MED13L: variants seen among roughly 807,000 people sequenced by gnomAD.
MED13L encodes mediator of RNA polymerase II transcription subunit 13-like.
Under a neutral mutation model 220.9 loss-of-function variants are expected in MED13L, and 7 were observed. The observed-to-expected ratio is 0.03, with a 90% CI of 0.02 to 0.06. The LOEUF (loss-of-function observed/expected upper bound fraction) is 0.06, where lower values mean the gene tolerates loss of function less well. Among genes scored for constraint, MED13L ranks in the 10% least tolerant of loss-of-function variants. The pLI is 1.00. For missense variants in MED13L, 1,965 were observed against 2,760.5 expected, an observed-to-expected ratio of 0.71 and a Z score of 6.46; for synonymous variants, 1,011 against 1,015.2, an observed-to-expected ratio of 1.00 and a Z score of 0.08.
At chr12:116,233,597 G>A (rs1033599594) in intron 2 of MED13L, among the ~76,000 whole-genome samples, 2 of 152,158 alleles carry the variant, frequency 1.3e-5, no homozygotes, top group Admixed American at 1.3e-4. Flanking sequence ...GCAGCCTGTA[G>A]GTCTTTGCAC....
At chr12:116,046,424 T>C (rs1176089146) in intron 4 of MED13L, among the ~76,000 whole-genome samples, 2 of 152,218 alleles carry the variant, frequency 1.3e-5, no homozygotes, top group East Asian at 3.9e-4. Flanking sequence ...ATAGGAGAAA[T>C]GGCCATTTAA....
chr12:115,976,893 G>C (rs1565988722), intron 23 of MED13L, among the ~76,000 whole-genome samples: 1 of 152,128 alleles, frequency 6.6e-6, no homozygotes, highest in East Asian at 1.9e-4. Flanking sequence ...AAGTGTGTTG[G>C]CTCATGCCTG....
chr12:116,004,957 C>T (rs557096481), intron 13 of MED13L, among the ~76,000 whole-genome samples: 27 of 152,268 alleles, frequency 1.8e-4, no homozygotes, highest in Non-Finnish European at 3.8e-4. Flanking sequence ...TTATTGTACT[C>T]ACAGCAATAA....
intron 30 of MED13L, among the ~76,000 whole-genome samples, chr12:115,963,008 G>A (rs1298800057): frequency 1.3e-5 from 2 of 152,164 alleles, no homozygotes; most frequent in Non-Finnish European, 2.9e-5. Flanking sequence ...GTGACAGAGC[G>A]AGACTCCATC....
At chr12:116,275,463 A>G (rs1232687041) in intron 1 of MED13L, among the ~76,000 whole-genome samples, 1 of 152,252 alleles carries the variant, frequency 6.6e-6, no homozygotes, top group Non-Finnish European at 1.5e-5. Flanking sequence ...ATGTCTTTGT[A>G]GGTAAAAATC....
Position 116,008,517 on chromosome 12 carries a change from C to A in MED13L, c.1896G>T (p.Trp632Cys). The A allele has an allele frequency of 6.2e-7, 1 of 1,613,920 alleles. No individual in the cohort carries two copies. The highest frequency in any genetic ancestry group is 8.5e-7 in the Non-Finnish European group (1 of 1,179,988). The change falls in exon 10 of 31, where the codon TGG (tryptophan) becomes TGT (cysteine). Residue 632 changes from tryptophan to cysteine, a missense_variant. Coordinates refer to ENST00000281928, the MANE Select transcript of MED13L (RefSeq NM_015335.5). Reference protein sequence around the residue: ...RPSNPESSEKWWHSYRLPPSD... With the variant: ...RPSNPESSEKCWHSYRLPPSD... ...TGGGTGGGAGACGATAACTATGCCA[C>A]CACTTTTCTGATGACTCCGGGTTCG...
chr12:116,175,305 C>T (rs1302846259), intron 2 of MED13L, among the ~76,000 whole-genome samples: 2 of 151,966 alleles, frequency 1.3e-5, no homozygotes, highest in African/African-American at 4.8e-5. Context: ...TCCTGAGTCC[C>T]CTATTATGTG....
At chr12:116,200,617 C>A (rs1352242172) in intron 2 of MED13L, among the ~76,000 whole-genome samples, 2 of 152,100 alleles carry the variant, frequency 1.3e-5, no homozygotes, top group African/African-American at 2.4e-5. Flanking sequence ...CTACACCCCA[C>A]AAGGAGAGAA....
At chr12:115,995,141 A>G (rs1878316763) in intron 16 of MED13L, among the ~76,000 whole-genome samples, 1 of 152,178 alleles carries the variant, frequency 6.6e-6, no homozygotes, top group African/African-American at 2.4e-5. Flanking sequence ...TTGTTACGAC[A>G]TTAAAATTAA....
intron 2 of MED13L, among the ~76,000 whole-genome samples, chr12:116,152,092 G>T (rs1338060913): frequency 1.3e-5 from 2 of 151,946 alleles, no homozygotes; most frequent in Admixed American, 1.3e-4. Context: ...ATCCTACATG[G>T]AAATATATTT....
At chr12:116,190,932 A>G (rs1323875036) in intron 2 of MED13L, among the ~76,000 whole-genome samples, 2 of 151,880 alleles carry the variant, frequency 1.3e-5, no homozygotes, top group Non-Finnish European at 2.9e-5. Context: ...TCTCTACTAA[A>G]AATACAAAAA....
At chr12:116,108,429 G>A (rs989464804) in intron 3 of MED13L, among the ~76,000 whole-genome samples, 4 of 151,108 alleles carry the variant, frequency 2.6e-5, no homozygotes, top group South Asian at 2.1e-4. Context: ...TGAGCTGTGC[G>A]TAATTTTCAT....
Position 115,989,013 on chromosome 12 carries a change from T to C in MED13L, c.3935-1725A>G, listed in dbSNP as rs533405517. ...TATACAAATGAGCATAACCCTTTAA[T>C]GCTTTCTTAGTCATCTCTACCTCCA... is the stretch of plus-strand genomic sequence containing the variant. On this transcript the variant is annotated intron_variant, in intron 17 of 30. Coordinates refer to ENST00000281928, the MANE Select transcript of MED13L (RefSeq NM_015335.5). 3.3e-5 allele frequency among the ~76,000 whole-genome samples: 5 copies of C among 152,356 alleles called. No individual in the cohort carries two copies. The South Asian group carries it at 1.0e-3, about 32-fold the overall frequency.
intron 14 of MED13L, among the ~76,000 whole-genome samples, chr12:116,000,995 T>TA (rs757648036): frequency 2.0e-5 from 3 of 152,112 alleles, no homozygotes; most frequent in Admixed American, 2.0e-4. Context: ...TACATTTTTA[T>TA]AAAAAAAGTG....
At chr12:116,197,053 G>GTC (rs1379511570) in intron 2 of MED13L, among the ~76,000 whole-genome samples, 1 of 152,162 alleles carries the variant, frequency 6.6e-6, no homozygotes, top group African/African-American at 2.4e-5. Context: ...TCAGTTCAGT[G>GTC]TCTCTCTCTC....
At chr12:116,035,197 T>C (rs1429726479) in intron 4 of MED13L, among the ~76,000 whole-genome samples, 1 of 151,914 alleles carries the variant, frequency 6.6e-6, no homozygotes, top group Non-Finnish European at 1.5e-5. Flanking sequence ...AACAAAAATA[T>C]ACAAGCGTGA....
intron 1 of MED13L, 86 bp downstream of exon 1, chr12:116,276,974 C>G (rs2138616250): frequency 1.4e-6 from 2 of 1,406,658 alleles, no homozygotes; most frequent in East Asian, 5.1e-5. Flanking sequence ...GTCCCGGCGG[C>G]GGGAGGAGAA....
chr12:115,982,148 A>G (rs1264850187), intron 22 of MED13L: 3 of 528,956 alleles, frequency 5.7e-6, no homozygotes, highest in Admixed American at 3.2e-5. Context: ...TGTAAGGTGT[A>G]TATGAAACAT....
At chr12:116,017,212 T>C (rs751923606) in intron 7 of MED13L, among the ~76,000 whole-genome samples, 23 of 152,190 alleles carry the variant, frequency 1.5e-4, no homozygotes, top group Non-Finnish European at 2.2e-4. Context: ...TGAAGATCCA[T>C]AGTTAATTAG....
Sources: allele counts gnomAD v4.1 joint callset (sites outside exome capture counted in the v4.1 genomes callset), GRCh38; gene constraint gnomAD v4.1.1; transcripts MANE v1.5; gene names NCBI Gene and HGNC (gene_info 2026-07-23, HGNC 2026-07-21).